LPIN1: variants seen among roughly 807,000 people sequenced by gnomAD.
The protein encoded by LPIN1 is lipin 1.
In LPIN1, 71 loss-of-function variants were observed where a neutral mutation model predicts 107.5. The ratio of observed to expected loss-of-function variants is 0.66; its 90% CI spans 0.55 to 0.80. LPIN1 has a LOEUF of 0.80. LPIN1 is among the 30% of genes least tolerant of loss of function. LPIN1 has a pLI of 0.00. For synonymous variants in LPIN1, 445 were observed against 452.6 expected, an observed-to-expected ratio of 0.98 and a Z score of 0.21; for missense variants, 1,043 against 1,160.6, an observed-to-expected ratio of 0.90 and a Z score of 1.47.
rs200149121 is a variant in LPIN1, at chr2:11,803,055, C to T, written c.2013+22C>T. On this transcript the variant is annotated intron_variant, in intron 15 of 20. Coordinates refer to ENST00000674199, the MANE Select transcript of LPIN1 (RefSeq NM_001349206.2). The surrounding 1 kb of genome is among the most constrained non-coding windows in gnomAD (Gnocchi z 4.2). ...GCTTGTGAGTCTCCCATGCTTGGCG[C>T]GGCTGTGTTGTGAGCACATGAGGTT... is the stretch of plus-strand genomic sequence containing the variant. The T allele has an allele frequency of 2.4e-5, 38 of 1,611,738 alleles. No homozygotes were observed. In the East Asian group the frequency reaches 4.2e-4, roughly 18 times the overall value.
At chr2:11,693,868 T>C (rs1662439536) in intron 1 of LPIN1, among the ~76,000 whole-genome samples, 1 of 125,594 alleles carries the variant, frequency 8.0e-6, no homozygotes, top group African/African-American at 3.0e-5. Flanking sequence ...GGAGTCTCGC[T>C]CAGTTGCCCA....
Position 11,771,780 on chromosome 2 carries a change from T to C in LPIN1, c.596+101T>C. The C allele has an allele frequency of 7.7e-7, 1 of 1,298,684 alleles. No homozygotes were observed. The highest frequency in any genetic ancestry group is 1.1e-6 in the Non-Finnish European group (1 of 938,798). 80.4% of individuals were successfully genotyped at this position (1,298,684 alleles called of 1,614,324 possible). A position where few individuals can be genotyped will look rare whatever the true frequency, so the allele number is the denominator to read the frequency against. ...TCCCCCATAATTCCTTATTCTTTTA[T>C]GTGTTTTAGACCAGTGGTCCCCAAC... On this transcript the variant is annotated intron_variant, in intron 4 of 20. Transcript: ENST00000674199. This position sits in a 1 kb window ranked among gnomAD's most constrained non-coding sequence, Gnocchi z 4.8.
intron 17 of LPIN1, among the ~76,000 whole-genome samples, chr2:11,807,106 T>C (rs111698361): frequency 7.7e-4 from 118 of 152,342 alleles, no homozygotes; most frequent in African/African-American, 2.7e-3. Context: ...ATAATGCATG[T>C]ATAAATAAAT....
chr2:11,719,153 AT>A (rs1380649664), intron 2 of LPIN1, among the ~76,000 whole-genome samples: 6 of 151,940 alleles, frequency 3.9e-5, no homozygotes, highest in African/African-American at 9.7e-5. Flanking sequence ...TGATCTGGGA[AT>A]TTTTTTTCCT....
At chr2:11,695,459 G>A (rs1662524391) in intron 1 of LPIN1, among the ~76,000 whole-genome samples, 1 of 152,126 alleles carries the variant, frequency 6.6e-6, no homozygotes, top group African/African-American at 2.4e-5. Flanking sequence ...AGGCCCTAAG[G>A]TGGAGTATTT....
intron 1 of LPIN1, among the ~76,000 whole-genome samples, chr2:11,755,210 G>A (rs533738960): frequency 6.8e-4 from 104 of 151,830 alleles, no homozygotes; most frequent in East Asian, 3.7e-3. Context: ...CTCGTGATCC[G>A]CCCGCCTCAG....
chr2:11,697,773 G>A lies in LPIN1; in HGVS notation c.82-15983G>A, dbSNP rs557312922. Among the ~76,000 whole-genome samples the A allele has an allele frequency of 1.1e-4, 16 of 152,054 alleles. No individual in the cohort carries two copies. Among genetic ancestry groups the A allele is most frequent in the Non-Finnish European group, 7.4e-5 (5 of 67,984 alleles). On this transcript the variant is annotated intron_variant, in intron 1 of 21. Coordinates refer to the LPIN1 transcript ENST00000449576. The surrounding 1 kb of genome is among the most constrained non-coding windows in gnomAD (Gnocchi z 4.6). The stretch of plus-strand genomic sequence containing the variant: ...GCAGAGTCTGGGTACCAAATGCCCC[G>A]GGCCTTGTGTCCTTCCCCATTTACA...
intron 1 of LPIN1, among the ~76,000 whole-genome samples, chr2:11,740,517 T>TA (rs879380145): frequency 1.1e-3 from 167 of 149,782 alleles, no homozygotes; most frequent in Non-Finnish European, 1.7e-3. Flanking sequence ...CCTGTCTCTA[T>TA]AAAAAAAAAT....
At chr2:11,756,514 G>A (rs1017149363) in intron 1 of LPIN1, among the ~76,000 whole-genome samples, 1 of 152,010 alleles carries the variant, frequency 6.6e-6, no homozygotes, top group African/African-American at 2.4e-5. Context: ...TCAGCCTCTC[G>A]AGTAGCTGGG....
chr2:11,723,808 T>C (rs557193595), upstream of LPIN1: 2 of 152,336 alleles, frequency 1.3e-5, no homozygotes, highest in South Asian at 2.1e-4. Flanking sequence ...TGAATAACTT[T>C]CCATTTTAGC....
chr2:11,733,383 A>ACACACC lies in LPIN1; in HGVS notation c.-71-7964_-71-7959dup, dbSNP rs1239356444. Among the ~76,000 whole-genome samples, 9 of 152,196 alleles carry ACACACC rather than the reference A, an allele frequency of 5.9e-5. No individual in the cohort carries two copies. In the East Asian group the frequency reaches 1.7e-3, roughly 29 times the overall value. ...AAAGTGTATGGACACAAAGACACAC[A>ACACACC]CACACCCCTAACACTAGTTGGCCTA... On this transcript the variant is annotated intron_variant, in intron 1 of 21. Coordinates refer to the LPIN1 transcript ENST00000396097.
intron 1 of LPIN1, among the ~76,000 whole-genome samples, chr2:11,705,120 C>T (rs1663062290): frequency 6.6e-6 from 1 of 152,156 alleles, no homozygotes; most frequent in African/African-American, 2.4e-5. Context: ...ATGAATAAAG[C>T]CATCTCCAGC....
At chr2:11,782,175 C>A (rs531478834) in intron 7 of LPIN1, 26 bp from the exon 8 acceptor site, 1 of 1,578,876 alleles carries the variant, frequency 6.3e-7, no homozygotes, top group South Asian at 1.1e-5. Flanking sequence ...GTCTCTCTCT[C>A]TGTCCCTCTC....
At chr2:11,804,372 A>G (rs751708369) in intron 15 of LPIN1, 51 bp from the exon 16 acceptor site, 3 of 1,608,546 alleles carry the variant, frequency 1.9e-6, no homozygotes, top group African/African-American at 2.7e-5. Context: ...ATGCCCATCA[A>G]TCAGGGCCTT....
At chr2:11,796,980 A>G (rs1676835289) in intron 14 of LPIN1, among the ~76,000 whole-genome samples, 1 of 152,220 alleles carries the variant, frequency 6.6e-6, no homozygotes, top group African/African-American at 2.4e-5. Flanking sequence ...TGCCACCGTC[A>G]GTGCCCAGAC....
At chr2:11,742,572 G>C (rs1334088157), upstream of LPIN1, among the ~76,000 whole-genome samples, 1 of 152,192 alleles carries the variant, frequency 6.6e-6, no homozygotes, top group East Asian at 1.9e-4. Flanking sequence ...AGAGCCCACT[G>C]TAACAGTCCA....
chr2:11,682,855 A>T lies in LPIN1; in HGVS notation c.81+5127A>T, dbSNP rs556242261. 4 of 152,278 alleles carry T rather than the reference A, an allele frequency of 2.6e-5. No individual in the cohort carries two copies. The East Asian group carries it at 7.7e-4, about 29-fold the overall frequency. The allele number at this position is 152,278 out of a possible 1,614,324, so 9.4% of individuals were successfully genotyped here. ...GTCCGGGTCACTCAGGTTTACGCCT[A>T]TTGTCCTGTAATTATTTATGCACCC... On this transcript the variant is annotated intron_variant, in intron 1 of 21. Transcript: ENST00000449576.
At chr2:11,762,459 G>T (rs1284864504) in intron 1 of LPIN1, among the ~76,000 whole-genome samples, 2 of 151,996 alleles carry the variant, frequency 1.3e-5, no homozygotes, top group Non-Finnish European at 2.9e-5. Context: ...GTGGGGAGTG[G>T]CTGAAGGCAC....
intron 13 of LPIN1, among the ~76,000 whole-genome samples, chr2:11,794,897 G>A (rs1237526751): frequency 6.6e-6 from 1 of 152,160 alleles, no homozygotes; most frequent in African/African-American, 2.4e-5. Flanking sequence ...ACAAGACTGG[G>A]CCCAGGCATT....
Sources: gnomAD v4.1 joint callset for allele counts (sites outside exome capture counted in the v4.1 genomes callset) on GRCh38, gnomAD v4.1.1 for gene constraint, Gnocchi (gnomAD v3.1) non-coding constraint, MANE v1.5 for transcripts, NCBI Gene and HGNC (gene_info 2026-07-23, HGNC 2026-07-21) for gene names.